The following PPARGC1A variants were observed in gnomAD, a reference collection of about 807,000 sequenced individuals.
The protein encoded by PPARGC1A is peroxisome proliferator-activated receptor gamma coactivator 1-alpha.
A neutral mutation model predicts 88.7 loss-of-function variants in PPARGC1A; 25 were observed. The observed-to-expected ratio is 0.28, with a 90% CI of 0.21 to 0.39. PPARGC1A has a LOEUF of 0.39. PPARGC1A is among the 10% of genes least tolerant of loss of function. The pLI is 1.00. For missense variants in PPARGC1A, 880 were observed against 968.7 expected (o/e 0.91, Z 1.22); for synonymous variants, 363 against 355.6 (o/e 1.02, Z -0.24).
the PPARGC1A span, among the ~76,000 whole-genome samples, chr4:24,333,506 G>C: frequency 6.6e-6 from 1 of 152,124 alleles, no homozygotes; most frequent in Admixed American, 6.5e-5. Context: ...TTCAGCAAAG[G>C]ATCTCATGGT....
chr4:24,163,587 A>G, the PPARGC1A span, among the ~76,000 whole-genome samples: 9 of 152,328 alleles, frequency 5.9e-5, no homozygotes, highest in Non-Finnish European at 8.8e-5. Flanking sequence ...CTGTGGCATT[A>G]TGAAACCCAG....
chr4:24,454,221 G>T, the PPARGC1A span, among the ~76,000 whole-genome samples: 3 of 150,848 alleles, frequency 2.0e-5, no homozygotes, highest in Non-Finnish European at 1.5e-5. Flanking sequence ...TCAAGCAGAA[G>T]ACCCACCCAG....
At chr4:24,465,925 C>T in the PPARGC1A span, among the ~76,000 whole-genome samples, 1 of 152,182 alleles carries the variant, frequency 6.6e-6, no homozygotes. Flanking sequence ...TAGCTCATGA[C>T]AGTGTATCCC....
At chr4:23,967,028 T>C in the PPARGC1A span, among the ~76,000 whole-genome samples, 1 of 152,206 alleles carries the variant, frequency 6.6e-6, no homozygotes, top group Non-Finnish European at 1.5e-5. Context: ...TATGCAAAAC[T>C]CATTTGAGGA....
the PPARGC1A span, among the ~76,000 whole-genome samples, chr4:24,074,223 C>A: frequency 6.6e-6 from 1 of 152,140 alleles, no homozygotes; most frequent in Non-Finnish European, 1.5e-5. Context: ...CCTCCTACTA[C>A]CTGTGTGAGC....
At chr4:24,383,110 A>C in the PPARGC1A span, among the ~76,000 whole-genome samples, 2 of 152,324 alleles carry the variant, frequency 1.3e-5, no homozygotes, top group Admixed American at 1.3e-4. Context: ...CCTCCAGCAA[A>C]CTTCAGCAGA....
At chr4:23,954,031 C>G in the PPARGC1A span, among the ~76,000 whole-genome samples, 1 of 151,810 alleles carries the variant, frequency 6.6e-6, no homozygotes, top group African/African-American at 2.4e-5. Context: ...ACCCCTTATA[C>G]TAAGTATTTT....
At chr4:24,232,452 G>A in the PPARGC1A span, among the ~76,000 whole-genome samples, 1 of 152,102 alleles carries the variant, frequency 6.6e-6, no homozygotes. Flanking sequence ...GGACATCTCC[G>A]AATGCCTGCA....
At chr4:24,122,676 G>C in the PPARGC1A span, among the ~76,000 whole-genome samples, 1 of 152,114 alleles carries the variant, frequency 6.6e-6, no homozygotes, top group African/African-American at 2.4e-5. Context: ...ACCAATTAGA[G>C]AGATGTAATA....
At chr4:24,278,343 A>G in the PPARGC1A span, among the ~76,000 whole-genome samples, 1 of 152,224 alleles carries the variant, frequency 6.6e-6, no homozygotes, top group African/African-American at 2.4e-5. Flanking sequence ...AAAGGAACTT[A>G]TTATCTAGAA....
chr4:23,977,611 A>G, the PPARGC1A span, among the ~76,000 whole-genome samples: 1 of 152,334 alleles, frequency 6.6e-6, no homozygotes, highest in South Asian at 2.1e-4. Flanking sequence ...TGATAGGTGC[A>G]GCAAACCACC....
the PPARGC1A span, among the ~76,000 whole-genome samples, chr4:24,369,653 C>T: frequency 6.6e-6 from 1 of 152,092 alleles, no homozygotes; most frequent in Non-Finnish European, 1.5e-5. Flanking sequence ...AACATGAGAG[C>T]TGGGAGCGTG....
At chr4:23,898,996 C>T (rs1056740493) in intron 1 of PPARGC1A, among the ~76,000 whole-genome samples, 14 of 152,084 alleles carry the variant, frequency 9.2e-5, no homozygotes, top group East Asian at 3.9e-4. Context: ...CCACGACGCC[C>T]GGCTAATTTT....
the PPARGC1A span, among the ~76,000 whole-genome samples, chr4:24,264,580 C>T: frequency 3.3e-5 from 5 of 152,362 alleles, no homozygotes; most frequent in East Asian, 9.6e-4. Flanking sequence ...CATACATCAC[C>T]TCTTAGGGTT....
intron 5 of PPARGC1A, 127 bp from the exon 6 acceptor site, chr4:23,824,635 T>C: frequency 2.4e-6 from 2 of 831,178 alleles, no homozygotes; most frequent in Non-Finnish European, 3.7e-6. Flanking sequence ...ATTCTCTGAA[T>C]ATTGAATCAA....
chr4:24,101,073 C>T, the PPARGC1A span, among the ~76,000 whole-genome samples: 1 of 152,196 alleles, frequency 6.6e-6, no homozygotes, highest in Non-Finnish European at 1.5e-5. Context: ...TCTGCATCTG[C>T]ACCCAAATCT....
chr4:23,906,495 C>T (rs952884866), upstream of PPARGC1A, among the ~76,000 whole-genome samples: 3 of 151,038 alleles, frequency 2.0e-5, no homozygotes, highest in Middle Eastern at 3.2e-3. Flanking sequence ...TGCCTGTAAT[C>T]CCAGCTACTC....
the PPARGC1A span, among the ~76,000 whole-genome samples, chr4:24,035,064 A>AT: frequency 6.6e-6 from 1 of 152,130 alleles, no homozygotes; most frequent in South Asian, 2.1e-4. Flanking sequence ...CTAGGACTGG[A>AT]TTTTGCTCAT....
the PPARGC1A span, among the ~76,000 whole-genome samples, chr4:24,269,191 A>C: frequency 6.6e-6 from 1 of 152,184 alleles, no homozygotes; most frequent in Non-Finnish European, 1.5e-5. Flanking sequence ...GCTTGTTTTT[A>C]GTCATTGAAA....
Sources: allele counts gnomAD v4.1 joint callset (sites outside exome capture counted in the v4.1 genomes callset), GRCh38; gene constraint gnomAD v4.1.1; transcripts MANE v1.5; gene names NCBI Gene and HGNC (gene_info 2026-07-23, HGNC 2026-07-21).